Variants in KIF16B observed in about 807,000 individuals in gnomAD.
KIF16B encodes kinesin family member 16B, also known as kinesin-like protein KIF16B.
A neutral mutation model predicts 156.3 loss-of-function variants in KIF16B; 98 were observed. The observed-to-expected ratio is 0.63, with a 90% CI of 0.53 to 0.74. The LOEUF (loss-of-function observed/expected upper bound fraction) is 0.74. KIF16B is among the 30% of genes least tolerant of loss of function. The pLI is 0.00. For missense variants in KIF16B, 1,421 were observed against 1,606.5 expected, an observed-to-expected ratio of 0.88 and a Z score of 1.97; for synonymous variants, 564 against 583.7, an observed-to-expected ratio of 0.97 and a Z score of 0.49.
Position 16,508,056 on chromosome 20 carries a change from G to C in KIF16B, c.601C>G (p.Leu201Val), listed in dbSNP as rs1316212975. Residue 201 changes from leucine (L) to valine (V), a missense_variant, in exon 7 of 26, where the codon CTT becomes GTT. Transcript: ENST00000354981. ...CGGTTGATATTGCCCGCATCCATAAGTTCTTCTACGTCACCATAATTCTGT... is the reference window on the plus strand; with the variant it reads ...CGGTTGATATTGCCCGCATCCATAACTTCTTCTACGTCACCATAATTCTGT... Reference protein sequence around the residue: ...LVQNYGDVEELMDAGNINRTT... With the variant: ...LVQNYGDVEEVMDAGNINRTT... The C allele has an allele frequency of 1.9e-6, 3 of 1,613,996 alleles. No homozygotes were observed. In the African/African-American group the frequency reaches 4.0e-5, roughly 22 times the overall value.
intron 24 of KIF16B, among the ~76,000 whole-genome samples, chr20:16,313,945 A>T (rs917431814): frequency 1.3e-5 from 2 of 152,308 alleles, no homozygotes; most frequent in Non-Finnish European, 2.9e-5. Flanking sequence ...TCTGATAGTC[A>T]TACTCTTACG....
At chr20:16,539,542 G>A (rs527826271) in intron 1 of KIF16B, among the ~76,000 whole-genome samples, 7 of 152,078 alleles carry the variant, frequency 4.6e-5, no homozygotes, top group Non-Finnish European at 7.4e-5. Flanking sequence ...GTTCAAAAGT[G>A]TATGACACCT....
intron 15 of KIF16B, among the ~76,000 whole-genome samples, chr20:16,426,226 C>T (rs2066348157): frequency 6.6e-6 from 1 of 152,258 alleles, no homozygotes; most frequent in South Asian, 2.1e-4. Context: ...ATCTGACCTA[C>T]TATTTTCAAA....
chr20:16,409,980 T>TATGTTGGTAC (rs1555877427), intron 15 of KIF16B, among the ~76,000 whole-genome samples: 1 of 103,020 alleles, frequency 9.7e-6, no homozygotes, highest in African/African-American at 4.0e-5. Flanking sequence ...CATATATATA[T>TATGTTGGTAC]ATATATATAT....
intron 11 of KIF16B, among the ~76,000 whole-genome samples, chr20:16,495,317 C>T (rs1189851510): frequency 6.6e-6 from 1 of 152,174 alleles, no homozygotes; most frequent in Non-Finnish European, 1.5e-5. Flanking sequence ...GCACAGAATA[C>T]ATCTGCCTGT....
In KIF16B at chr20:16,317,015, G is replaced by C. The variant is rs536263820; in HGVS notation, c.3712-4597C>G. ...AAAGGTTCAGAGAAGATGTGATTCT[G>C]AATTGTCTCTGACCTCTCTACTCAT... is the stretch of plus-strand genomic sequence containing the variant. On this transcript the variant is annotated intron_variant, in intron 24 of 25. Transcript: ENST00000354981. Among the ~76,000 whole-genome samples the C allele has an allele frequency of 6.6e-5, 10 of 152,276 alleles. No individual in the cohort carries two copies. In the East Asian group the frequency reaches 1.9e-3, roughly 29 times the overall value.
At chr20:16,571,808 T>G (rs1268137447) in intron 1 of KIF16B, among the ~76,000 whole-genome samples, 1 of 151,978 alleles carries the variant, frequency 6.6e-6, no homozygotes, top group Non-Finnish European at 1.5e-5. Flanking sequence ...TTTTTGTAGT[T>G]TTAGTAGAGA....
chr20:16,528,524 CT>C, intron 1 of KIF16B, 84 bp from the exon 2 acceptor site: 1 of 1,025,582 alleles, frequency 9.8e-7, no homozygotes. Context: ...GTTTTATTTA[CT>C]TTTTACGTTA....
At position 16,378,895 on chromosome 20, in the gene KIF16B, A is replaced by G; in HGVS notation, c.3107T>C (p.Leu1036Pro). The G allele has an allele frequency of 6.2e-7, 1 of 1,613,962 alleles. No individual in the cohort carries two copies. The highest frequency in any genetic ancestry group is 8.5e-7 in the Non-Finnish European group (1 of 1,179,912). The change falls in exon 19 of 26, where the codon CTT (leucine) becomes CCT (proline). Residue 1036 changes from leucine (L) to proline (P), a missense_variant. By Grantham distance (98) the Leu-to-Pro change is moderately conservative (BLOSUM62 -3). Coordinates refer to ENST00000354981, the MANE Select transcript of KIF16B (RefSeq NM_024704.5). ...GMEIEEQRQKLASLNSGSREQ... is the reference protein window; with the variant it reads ...GMEIEEQRQKPASLNSGSREQ... ...TCTGCTGCCACTGTTCAGACTGGCA[A>G]GTTTCTGCCTCTGCTCTTCAATCTC...
chr20:16,359,135 C>T (rs541111205), intron 22 of KIF16B, among the ~76,000 whole-genome samples: 331 of 152,210 alleles, frequency 2.2e-3, no homozygotes, highest in Non-Finnish European at 3.7e-3. Flanking sequence ...CTGTAACTGA[C>T]GGTCTGGGTA....
At chr20:16,455,128 G>C (rs1490815555) in intron 12 of KIF16B, among the ~76,000 whole-genome samples, 1 of 152,076 alleles carries the variant, frequency 6.6e-6, no homozygotes, top group Admixed American at 6.6e-5. Flanking sequence ...GATAATCAAA[G>C]GAGAAAAAGC....
chr20:16,391,395 G>C (rs1245897971), intron 17 of KIF16B, among the ~76,000 whole-genome samples: 1 of 152,158 alleles, frequency 6.6e-6, no homozygotes, highest in African/African-American at 2.4e-5. Context: ...CAACATGCCA[G>C]GCACTATCCT....
At position 16,475,827 on chromosome 20, in the gene KIF16B, T is replaced by C. The variant is rs906780977; in HGVS notation, c.1302+18464A>G. ...TAAGACCCAATTTTCAAAAACCTTTTAGCTGTAAGATATTACCCTGGTACT... is the reference window on the plus strand; with the variant it reads ...TAAGACCCAATTTTCAAAAACCTTTCAGCTGTAAGATATTACCCTGGTACT... On this transcript the variant is annotated intron_variant, in intron 12 of 25. Coordinates refer to ENST00000354981, the MANE Select transcript of KIF16B (RefSeq NM_024704.5). Among the ~76,000 whole-genome samples, 3 of 152,224 alleles carry C rather than the reference T, an allele frequency of 2.0e-5. No individual in the cohort carries two copies. The East Asian group carries it at 5.8e-4, about 29-fold the overall frequency.
At chr20:16,424,743 C>A (rs1182362822) in intron 15 of KIF16B, among the ~76,000 whole-genome samples, 1 of 151,996 alleles carries the variant, frequency 6.6e-6, no homozygotes, top group African/African-American at 2.4e-5. Flanking sequence ...GACAGCCAAG[C>A]ATAGCCATGC....
intron 2 of KIF16B, 101 bp downstream of exon 2, chr20:16,528,270 G>A: frequency 2.3e-6 from 2 of 861,624 alleles, no homozygotes; most frequent in Admixed American, 1.9e-5. Context: ...GGAAAGGAGG[G>A]TGTGGAAACA....
chr20:16,435,868 T>C (rs150673065), intron 12 of KIF16B, among the ~76,000 whole-genome samples: 285 of 152,344 alleles, frequency 1.9e-3, no homozygotes, highest in Non-Finnish European at 1.5e-3. Context: ...AAAGGCTTTC[T>C]TTATTCTACA....
At position 16,505,766 on chromosome 20, in the gene KIF16B, A is replaced by G; in HGVS notation, c.956T>C (p.Leu319Ser). The G allele has an allele frequency of 2.5e-6, 4 of 1,613,898 alleles. No individual in the cohort carries two copies. The East Asian group carries it at 8.9e-5, about 36-fold the overall frequency. ...PYRDSVLTWLLKDSLGGNSKT... is the reference protein window; with the variant it reads ...PYRDSVLTWLSKDSLGGNSKT... ...AGAGTTTCCTCCAAGGCTATCTTTTAACAACCAAGTCAACACAGAATCCCT... is the reference window on the plus strand; with the variant it reads ...AGAGTTTCCTCCAAGGCTATCTTTTGACAACCAAGTCAACACAGAATCCCT... Residue 319 changes from leucine to serine, a missense_variant, in exon 9 of 26, where the codon TTA becomes TCA. Leu to Ser is a moderately radical substitution (Grantham distance 145, BLOSUM62 -2). Transcript: ENST00000354981.
chr20:16,498,241 A>G (rs1276558173), intron 10 of KIF16B, among the ~76,000 whole-genome samples: 1 of 152,164 alleles, frequency 6.6e-6, no homozygotes, highest in Non-Finnish European at 1.5e-5. Flanking sequence ...GAGCAGGACA[A>G]GCAGACAGAG....
chr20:16,287,279 C>T (rs2063236983), intron 25 of KIF16B, among the ~76,000 whole-genome samples: 1 of 152,174 alleles, frequency 6.6e-6, no homozygotes, highest in Admixed American at 6.5e-5. Context: ...ATCTCTCTTC[C>T]AATTCTTTTA....
Sources: allele counts gnomAD v4.1 joint callset (sites outside exome capture counted in the v4.1 genomes callset), GRCh38; gene constraint gnomAD v4.1.1; transcripts MANE v1.5; gene names NCBI Gene and HGNC (gene_info 2026-07-23, HGNC 2026-07-21).